FBLN5: variants seen among roughly 807,000 people sequenced by gnomAD.
The protein encoded by FBLN5 is fibulin-5.
Under a neutral mutation model 61.6 loss-of-function variants are expected in FBLN5, and 24 were observed. That is an observed-to-expected ratio of 0.39 (90% CI 0.28 to 0.55). FBLN5 has a LOEUF of 0.55. FBLN5 is among the 20% of genes least tolerant of loss of function. The pLI is 0.65. For missense variants in FBLN5, 470 were observed against 594.1 expected (o/e 0.79, Z 2.17); for synonymous variants, 213 against 219.8 (o/e 0.97, Z 0.27).
chr14:91,910,588 G>C (rs1196681518), intron 4 of FBLN5, among the ~76,000 whole-genome samples: 1 of 152,128 alleles, frequency 6.6e-6, no homozygotes, highest in Non-Finnish European at 1.5e-5. Context: ...TGCATTCTAA[G>C]TTCTATAAAC....
chr14:91,915,686 CAAAAAA>C (rs34675184), intron 4 of FBLN5, among the ~76,000 whole-genome samples: 10 of 43,736 alleles, frequency 2.3e-4, no homozygotes, highest in African/African-American at 6.0e-4. Flanking sequence ...GACTCCATCT[CAAAAAA>C]AAAAAAAAAA....
intron 4 of FBLN5, among the ~76,000 whole-genome samples, chr14:91,908,483 T>G (rs1026777857): frequency 2.6e-5 from 4 of 152,142 alleles, no homozygotes; most frequent in African/African-American, 9.7e-5. Flanking sequence ...CATGAATGAG[T>G]CAGGATACGA....
At chr14:91,915,762 C>T (rs1891174691) in intron 4 of FBLN5, among the ~76,000 whole-genome samples, 1 of 148,248 alleles carries the variant, frequency 6.7e-6, no homozygotes, top group African/African-American at 2.5e-5. Flanking sequence ...CCAAAAATAC[C>T]AAATCTCAAT....
intron 4 of FBLN5, among the ~76,000 whole-genome samples, chr14:91,919,933 CT>C (rs1342918498): frequency 6.6e-6 from 1 of 152,178 alleles, no homozygotes; most frequent in Non-Finnish European, 1.5e-5. Context: ...GGCTTTCCCC[CT>C]GGCCCTGAGC....
At chr14:91,921,302 C>T (rs1430230427) in intron 4 of FBLN5, among the ~76,000 whole-genome samples, 1 of 152,150 alleles carries the variant, frequency 6.6e-6, no homozygotes, top group Non-Finnish European at 1.5e-5. Context: ...AGGTGCAAGA[C>T]GATTGATTAT....
rs145952331 is a variant in FBLN5 at position 91,919,339 on chromosome 14, G to GA, written c.379+17607dup. 3.9e-5 allele frequency among the ~76,000 whole-genome samples: 3 copies of GA among 76,238 alleles called. 1 individual carries two copies. Among genetic ancestry groups the GA allele is most frequent in the South Asian group, 1.0e-3 (2 of 1,940 alleles). 50.0% of individuals were successfully genotyped at this position (76,238 alleles called of 152,430 possible). ...GAGCAAGACTCTGTCTCAAAAAAAAGAAAAAAAAAAAGAAAAGAAAAGAAA... is the reference window on the plus strand; with the variant it reads ...GAGCAAGACTCTGTCTCAAAAAAAAGAAAAAAAAAAAAGAAAAGAAAAGAAA... On this transcript the variant is annotated intron_variant, in intron 4 of 10. Transcript: ENST00000342058.
intron 4 of FBLN5, among the ~76,000 whole-genome samples, chr14:91,930,594 C>A (rs1166997158): frequency 6.6e-6 from 1 of 152,196 alleles, no homozygotes; most frequent in Admixed American, 6.5e-5. Flanking sequence ...GACTGAGTTT[C>A]AAGTTACAGA....
chr14:91,873,174 T>C (rs1889018132), intron 10 of FBLN5, among the ~76,000 whole-genome samples: 1 of 152,062 alleles, frequency 6.6e-6, no homozygotes, highest in Non-Finnish European at 1.5e-5. Context: ...ACCTCCACAT[T>C]CGGCTTTTAG....
At position 91,889,206 on chromosome 14, in the gene FBLN5, C is replaced by T. The variant is rs561028349; in HGVS notation, c.620-1894G>A. On this transcript the variant is annotated intron_variant, in intron 6 of 10. Coordinates refer to ENST00000342058, the MANE Select transcript of FBLN5 (RefSeq NM_006329.4). ...AGGGGGTAGGAAAATGTCCACTGTG[C>T]TAAGCCACTGAGTGCAAGTTCAGAC... Among the ~76,000 whole-genome samples, 21 of 152,358 alleles carry T rather than the reference C, an allele frequency of 1.4e-4. 1 individual carries two copies. In the South Asian group the frequency reaches 4.3e-3, roughly 32 times the overall value.
chr14:91,917,740 T>C (rs1891257379), intron 4 of FBLN5, among the ~76,000 whole-genome samples: 1 of 152,166 alleles, frequency 6.6e-6, no homozygotes, highest in Non-Finnish European at 1.5e-5. Flanking sequence ...CCTATAGCTT[T>C]ATGGAGACAC....
At position 91,893,142 on chromosome 14, in the gene FBLN5, A is replaced by G. The variant is rs1027951322; in HGVS notation, c.503-1805T>C. Among the ~76,000 whole-genome samples, 18 of 152,346 alleles carry G rather than the reference A, an allele frequency of 1.2e-4. No homozygotes were observed. The South Asian group carries it at 3.5e-3, about 30-fold the overall frequency. On this transcript the variant is annotated intron_variant, in intron 5 of 10. Coordinates refer to ENST00000342058, the MANE Select transcript of FBLN5 (RefSeq NM_006329.4). ...TAGACTGAGACACGGGAGACTTGGA[A>G]GTTAGACCCAACTCACTTTGTCTAA...
intron 4 of FBLN5, among the ~76,000 whole-genome samples, chr14:91,898,867 T>A (rs974415959): frequency 1.5e-5 from 2 of 136,036 alleles, no homozygotes; most frequent in African/African-American, 5.5e-5. Flanking sequence ...AGTGGCGCAA[T>A]CTAAGCTCAC....
At chr14:91,899,491 C>CGG (rs1274833103) in intron 4 of FBLN5, among the ~76,000 whole-genome samples, 4 of 152,242 alleles carry the variant, frequency 2.6e-5, no homozygotes, top group Non-Finnish European at 5.9e-5. Context: ...TCAAGCAGCA[C>CGG]AGCTCTGGTG....
In FBLN5 at chr14:91,883,664, A is replaced by AAAAAAAAAAAC. The variant is rs758858453; in HGVS notation, c.740-589_740-588insGTTTTTTTTTT. ...ACTGTGTAAAAAAAAAAACAAAAAA[A>AAAAAAAAAAAC]ACACACACACACAAAAACAAAAACA... is the stretch of plus-strand genomic sequence containing the variant. On this transcript the variant is annotated intron_variant, in intron 7 of 10. Coordinates refer to ENST00000342058, the MANE Select transcript of FBLN5 (RefSeq NM_006329.4). Among the ~76,000 whole-genome samples the AAAAAAAAAAAC allele has an allele frequency of 1.1e-3, 168 of 148,394 alleles. 1 individual carries two copies. The highest frequency in any genetic ancestry group is 2.9e-3 in the African/African-American group (116 of 39,684).
chr14:91,940,481 A>T, intron 3 of FBLN5, 84 bp downstream of exon 3: 1 of 1,159,314 alleles, frequency 8.6e-7, no homozygotes, highest in East Asian at 2.3e-5. Context: ...ATGGCTAATC[A>T]TTGAACAACA....
At chr14:91,889,332 A>T (rs1037767069) in intron 6 of FBLN5, among the ~76,000 whole-genome samples, 1 of 152,202 alleles carries the variant, frequency 6.6e-6, no homozygotes, top group Non-Finnish European at 1.5e-5. Flanking sequence ...CACCGCTCTC[A>T]GCTGCTTCTG....
At chr14:91,880,868 T>C (rs1403359596) in intron 9 of FBLN5, among the ~76,000 whole-genome samples, 1 of 152,136 alleles carries the variant, frequency 6.6e-6, no homozygotes, top group East Asian at 1.9e-4. Context: ...TGTTTCTTAC[T>C]GTGTGTTGTG....
chr14:91,898,006 C>A (rs1890295466), intron 4 of FBLN5, among the ~76,000 whole-genome samples: 1 of 152,180 alleles, frequency 6.6e-6, no homozygotes, highest in African/African-American at 2.4e-5. Flanking sequence ...GCCAAGACTG[C>A]ACCACTGACC....
rs182711308 is a variant in FBLN5, at chr14:91,924,869, C to T, written c.379+12078G>A. ...CCATCATACTTCATCCCTGTCCCCACGGAGAAGGCCACCCCTCACTCAGCT... is the reference window on the plus strand; with the variant it reads ...CCATCATACTTCATCCCTGTCCCCATGGAGAAGGCCACCCCTCACTCAGCT... On this transcript the variant is annotated intron_variant, in intron 4 of 10. Coordinates refer to ENST00000342058, the MANE Select transcript of FBLN5 (RefSeq NM_006329.4). 2.8e-4 allele frequency among the ~76,000 whole-genome samples: 43 copies of T among 152,282 alleles called. 1 individual carries two copies. The East Asian group carries it at 7.7e-3, about 27-fold the overall frequency.
Sources: gnomAD v4.1 joint callset for allele counts (sites outside exome capture counted in the v4.1 genomes callset) on GRCh38, gnomAD v4.1.1 for gene constraint, MANE v1.5 for transcripts, NCBI Gene and HGNC (gene_info 2026-07-23, HGNC 2026-07-21) for gene names.